The following C4orf51 variants were observed in gnomAD, a reference collection of about 807,000 sequenced individuals.
C4orf51 encodes the protein chromosome 4 open reading frame 51.
A neutral mutation model predicts 25.2 loss-of-function variants in C4orf51; 25 were observed. The ratio of observed to expected loss-of-function variants is 0.99; its 90% CI spans 0.72 to 1.39. C4orf51 has a LOEUF of 1.39. Ranked by LOEUF, C4orf51 falls within the 40% of genes most tolerant of loss-of-function variation. The pLI is 0.00. For missense variants in C4orf51, 252 were observed against 239.6 expected, an observed-to-expected ratio of 1.05 and a Z score of -0.34; for synonymous variants, 100 against 84.5, an observed-to-expected ratio of 1.18 and a Z score of -1.01.
chr4:145,721,873 G>C (rs1038254529), intron 2 of C4orf51, among the ~76,000 whole-genome samples: 1 of 152,166 alleles, frequency 6.6e-6, no homozygotes, highest in Non-Finnish European at 1.5e-5. Flanking sequence ...GAGATGGGCG[G>C]GAGTTACGTG....
chr4:145,752,832 T>C (rs1733743787), intron 1 of C4orf51, among the ~76,000 whole-genome samples: 3 of 152,306 alleles, frequency 2.0e-5, no homozygotes, highest in Non-Finnish European at 2.9e-5. Flanking sequence ...GGATAGGCAA[T>C]TCCCCTCTGG....
chr4:145,692,709 G>T (rs1015524894), intron 1 of C4orf51, among the ~76,000 whole-genome samples: 7 of 152,138 alleles, frequency 4.6e-5, no homozygotes, highest in African/African-American at 1.4e-4. Context: ...AGAGTTACAG[G>T]TTCCTGAAGT....
chr4:145,713,309 G>A (rs1178257644), intron 2 of C4orf51, among the ~76,000 whole-genome samples: 1 of 152,224 alleles, frequency 6.6e-6, no homozygotes, highest in African/African-American at 2.4e-5. Context: ...AGCAAAGTAA[G>A]TTGAAATCTT....
At chr4:145,727,934 T>TA (rs1732174409) in intron 3 of C4orf51, among the ~76,000 whole-genome samples, 2 of 87,064 alleles carry the variant, frequency 2.3e-5, no homozygotes, top group African/African-American at 7.5e-5. Flanking sequence ...AAATATATTA[T>TA]ATATATACAT....
Position 145,682,101 on chromosome 4 carries a change from A to T in C4orf51, c.233+1665A>T, listed in dbSNP as rs1284889738. Among the ~76,000 whole-genome samples, 4 of 152,188 alleles carry T rather than the reference A, an allele frequency of 2.6e-5. No homozygotes were observed. In the East Asian group the frequency reaches 5.8e-4, roughly 22 times the overall value. On this transcript the variant is annotated intron_variant, in intron 1 of 5. Transcript: ENST00000438731. ...CTGGTGAAAATGTATAGGACCTGGA[A>T]TTTTTTCCTATTCAGAGAGTGATCA... is the stretch of plus-strand genomic sequence containing the variant.
At chr4:145,694,408 C>CTGGGAGG (rs1350119712) in intron 1 of C4orf51, among the ~76,000 whole-genome samples, 1 of 130,500 alleles carries the variant, frequency 7.7e-6, no homozygotes, top group African/African-American at 2.8e-5. Context: ...GCCGCCCCGT[C>CTGGGAGG]TGGGAGGTGA....
In C4orf51 at chr4:145,731,564, C is replaced by CTTTTTTTTT. The variant is rs398051305; in HGVS notation, c.502-864_502-856dup. ...TTTTTATTTATGAGACAAGGCAAAT[C>CTTTTTTTTT]TTTTTTTTTTTTTTTTTTTTTTTTT... is the stretch of plus-strand genomic sequence containing the variant. On this transcript the variant is annotated intron_variant, in intron 5 of 5. Transcript: ENST00000438731. Among the ~76,000 whole-genome samples, 80 of 43,876 alleles carry CTTTTTTTTT rather than the reference C, an allele frequency of 1.8e-3. 10 individuals carry two copies. Among genetic ancestry groups the CTTTTTTTTT allele is most frequent in the East Asian group, 2.5e-3 (3 of 1,206 alleles). The allele number at this position is 43,876 out of a possible 152,430, so 28.8% of individuals were successfully genotyped here.
chr4:145,779,361 C>A, the C4orf51 span: 1 of 1,613,266 alleles, frequency 6.2e-7, no homozygotes, highest in African/African-American at 1.3e-5. Flanking sequence ...CAGCCCAGGC[C>A]CTACTCACTC....
Position 145,730,059 on chromosome 4 carries a change from G to C in C4orf51, c.501+94G>C. On this transcript the variant is annotated intron_variant, in intron 5 of 5. Transcript: ENST00000438731. The stretch of plus-strand genomic sequence containing the variant: ...TCTCTACATGGCAGCAGGGGTGGTG[G>C]CCTGTGTATGTTTAGAGTTGGTATA... The C allele has an allele frequency of 4.0e-6, 4 of 1,001,986 alleles. No homozygotes were observed. In the Admixed American group the frequency reaches 7.0e-5, roughly 18 times the overall value. 62.1% of individuals were successfully genotyped at this position (1,001,986 alleles called of 1,614,324 possible).
intron 3 of C4orf51, among the ~76,000 whole-genome samples, chr4:145,728,919 CTT>C (rs1025148244): frequency 6.8e-6 from 1 of 146,194 alleles, no homozygotes; most frequent in Non-Finnish European, 1.5e-5. Context: ...TTTTCTTTTT[CTT>C]TTTTTTTTGA....
chr4:145,770,648 ATATTTG>A (rs955910436), intron 1 of C4orf51, among the ~76,000 whole-genome samples: 7 of 152,110 alleles, frequency 4.6e-5, no homozygotes, highest in African/African-American at 1.7e-4. Flanking sequence ...GCTATTTTAG[ATATTTG>A]TACAGAGTTG....
chr4:145,761,617 C>A lies in C4orf51; in HGVS notation n.167-9371C>A. On this transcript the variant is annotated intron_variant and non_coding_transcript_variant, in intron 1 of 1. Transcript: ENST00000510096. This position sits in a 1 kb window ranked among gnomAD's most constrained non-coding sequence, Gnocchi z 6.8. ...TGGGCACCTGCCGGGGAAAGCAACG[C>A]AAGGGAGGTTCAGCCGGGAAGGTTC... The A allele has an allele frequency of 8.1e-7, 1 of 1,231,466 alleles. No individual in the cohort carries two copies. The highest frequency in any genetic ancestry group is 2.5e-5 in the Admixed American group (1 of 40,484). The allele number at this position is 1,231,466 out of a possible 1,614,324, so 76.3% of individuals were successfully genotyped here.
intron 1 of C4orf51, chr4:145,764,758 A>C: frequency 9.4e-5 from 52 of 554,944 alleles, no homozygotes; most frequent in Non-Finnish European, 1.2e-4. Context: ...CTTGCCCTGA[A>C]TCCCGGGGTA....
the C4orf51 span, among the ~76,000 whole-genome samples, chr4:145,776,342 T>C: frequency 6.6e-6 from 1 of 151,902 alleles, no homozygotes; most frequent in African/African-American, 2.4e-5. Context: ...GTGCCTGTAG[T>C]CCCAGCTACT....
chr4:145,724,736 T>C (rs560867555), intron 2 of C4orf51, among the ~76,000 whole-genome samples: 6 of 151,432 alleles, frequency 4.0e-5, no homozygotes, highest in Non-Finnish European at 8.8e-5. Flanking sequence ...TTTTAAAAAT[T>C]AACTGAGTGT....
chr4:145,765,874 C>CAG lies in C4orf51; in HGVS notation n.167-5114_167-5113insAG. On this transcript the variant is annotated intron_variant and non_coding_transcript_variant, in intron 1 of 1. Coordinates refer to the C4orf51 transcript ENST00000510096. The surrounding 1 kb of genome is among the most constrained non-coding windows in gnomAD (Gnocchi z 4.7). ...CAGGCTCATGTCCCCAGCTCCCCCACTGCTGGGGGATCCCAGGTCCTAAGG... is the reference window on the plus strand; with the variant it reads ...CAGGCTCATGTCCCCAGCTCCCCCACAGTGCTGGGGGATCCCAGGTCCTAAGG... 7 of 829,806 alleles carry CAG rather than the reference C, an allele frequency of 8.4e-6. No individual in the cohort carries two copies. Among genetic ancestry groups the CAG allele is most frequent in the Non-Finnish European group, 1.3e-5 (7 of 552,506 alleles). The allele number at this position is 829,806 out of a possible 1,614,324, so 51.4% of individuals were successfully genotyped here. A position where few individuals can be genotyped will look rare whatever the true frequency, so the allele number is the denominator to read the frequency against.
intron 1 of C4orf51, among the ~76,000 whole-genome samples, chr4:145,746,979 T>C (rs967490490): frequency 2.6e-5 from 4 of 152,120 alleles, no homozygotes; most frequent in Admixed American, 2.0e-4. Context: ...GTAAATGGGA[T>C]CCCTTTTTAA....
At chr4:145,770,401 T>C (rs930037604) in intron 1 of C4orf51, among the ~76,000 whole-genome samples, 7 of 151,760 alleles carry the variant, frequency 4.6e-5, no homozygotes, top group African/African-American at 1.7e-4. Context: ...TTAGTAGCTG[T>C]ATTATTTTGA....
chr4:145,768,226 G>A (rs373728336), intron 1 of C4orf51, among the ~76,000 whole-genome samples: 4 of 152,126 alleles, frequency 2.6e-5, no homozygotes, highest in African/African-American at 7.2e-5. Flanking sequence ...GTACAGTAAC[G>A]TGATCCCAGC....
Sources: gnomAD v4.1 joint callset for allele counts (sites outside exome capture counted in the v4.1 genomes callset) on GRCh38, gnomAD v4.1.1 for gene constraint, Gnocchi (gnomAD v3.1) non-coding constraint, MANE v1.5 for transcripts, NCBI Gene and HGNC (gene_info 2026-07-23, HGNC 2026-07-21) for gene names.